DHX40: variants seen among roughly 807,000 people sequenced by gnomAD.
DHX40 encodes DEAH-box helicase 40, also known as probable ATP-dependent RNA helicase DHX40.
Under a neutral mutation model 89.6 loss-of-function variants are expected in DHX40, and 28 were observed. That is an observed-to-expected ratio of 0.31 (90% CI 0.23 to 0.43). The LOEUF is 0.43. Among genes scored for constraint, DHX40 ranks in the 20% least tolerant of loss-of-function variants. The pLI, the probability that DHX40 is intolerant of heterozygous loss-of-function variation, is 1.00. For synonymous variants in DHX40, 226 were observed against 283.6 expected, an observed-to-expected ratio of 0.80 and a Z score of 2.04; for missense variants, 457 against 844.0, an observed-to-expected ratio of 0.54 and a Z score of 5.68.
chr17:59,570,838 A>T (rs1482265838), intron 3 of DHX40, among the ~76,000 whole-genome samples, 175 bp downstream of exon 3: 1 of 152,194 alleles, frequency 6.6e-6, no homozygotes, highest in Non-Finnish European at 1.5e-5. Context: ...GCATGCCACC[A>T]TGCCCAGCTA....
At chr17:59,576,143 A>G (rs1184466163) in intron 7 of DHX40, among the ~76,000 whole-genome samples, 1 of 143,630 alleles carries the variant, frequency 7.0e-6, no homozygotes, top group African/African-American at 2.7e-5. Flanking sequence ...ACCTCAGGTC[A>G]TCTGCCTGCC....
intron 11 of DHX40, 84 bp downstream of exon 11, chr17:59,586,317 A>G: frequency 9.0e-7 from 1 of 1,114,068 alleles, no homozygotes; most frequent in East Asian, 2.6e-5. Flanking sequence ...CTCTAACAGT[A>G]GAAAATAATT....
At position 59,567,401 on chromosome 17, in the gene DHX40, C is replaced by T. The variant is rs997277322; in HGVS notation, c.280+607C>T. ...GAAATCAGGAGAAAGAGATAATAGC[C>T]AAATCCCCAAACAGACCAGTTTTAG... On this transcript the variant is annotated intron_variant, in intron 2 of 17. Coordinates refer to ENST00000251241, the MANE Select transcript of DHX40 (RefSeq NM_024612.5). Among the ~76,000 whole-genome samples, 4 of 152,160 alleles carry T rather than the reference C, an allele frequency of 2.6e-5. No individual in the cohort carries two copies. In the East Asian group the frequency reaches 7.7e-4, roughly 29 times the overall value.
At chr17:59,574,323 T>C (rs1170705334) in intron 6 of DHX40, 69 bp downstream of exon 6, 2 of 305,452 alleles carry the variant, frequency 6.5e-6, no homozygotes, top group Non-Finnish European at 1.2e-5. Context: ...CCAGATAGAG[T>C]GCTACCTCTG....
chr17:59,587,083 G>T lies in DHX40; in HGVS notation c.1425-813G>T, dbSNP rs756660627. On this transcript the variant is annotated intron_variant, in intron 11 of 17. Transcript: ENST00000251241. Reference sequence around the variant, plus strand: ...TGGGAGGATCGTCTGAGCTTCGGAGGTGAGGGGTGCAGTGAGCTGAGGAGA... The same window carrying T: ...TGGGAGGATCGTCTGAGCTTCGGAGTTGAGGGGTGCAGTGAGCTGAGGAGA... Among the ~76,000 whole-genome samples, 85 of 151,638 alleles carry T rather than the reference G, an allele frequency of 5.6e-4. 1 individual carries two copies. Among genetic ancestry groups the T allele is most frequent in the Non-Finnish European group, 9.6e-4 (65 of 67,928 alleles).
chr17:59,570,640 C>A lies in DHX40; in HGVS notation c.403C>A (p.Arg135Ser). The A allele has an allele frequency of 1.9e-6, 3 of 1,607,478 alleles. No homozygotes were observed. The highest frequency in any genetic ancestry group is 2.2e-5 in the South Asian group (2 of 90,232). Residue 135 changes from arginine (R) to serine (S), a missense_variant, in exon 3 of 18, where the codon CGT (arginine) becomes AGT (serine). Physicochemically the swap from Arg to Ser is moderately radical, Grantham distance 110. Around this residue, in one of 9 missense-constraint regions of DHX40, gnomAD observed 61 missense variants for 100.4 expected, o/e 0.61. Coordinates refer to ENST00000251241, the MANE Select transcript of DHX40 (RefSeq NM_024612.5). ...GGGATCCAAAGTAGGATACCAAGTTCGTTTTGATGATTGCAGTTCTAAGGT... is the reference window on the plus strand; with the variant it reads ...GGGATCCAAAGTAGGATACCAAGTTAGTTTTGATGATTGCAGTTCTAAGGT... ...TLGSKVGYQV[R>S]FDDCSSKETA...
chr17:59,571,050 T>C (rs2048800223), intron 3 of DHX40, among the ~76,000 whole-genome samples: 1 of 152,242 alleles, frequency 6.6e-6, no homozygotes, highest in African/African-American at 2.4e-5. Context: ...TTATGTTTTT[T>C]AACTGTAAGG....
rs765826060 is a variant in DHX40 at position 59,575,457 on chromosome 17, G to A, written c.959G>A (p.Gly320Glu). Residue 320 changes from glycine to glutamate, a missense_variant, in exon 7 of 18, where the codon GGA becomes GAA. Physicochemically the swap from Gly to Glu is moderately conservative, Grantham distance 98. Transcript: ENST00000251241. ...GGCTTGTTAATATTGCCGTGTTATG[G>A]ATCAATGACAACAGGTAATTTCTCA... ...LDGLLILPCY[G>E]SMTTDQQRRI... 1 of 1,612,288 alleles carries A rather than the reference G, an allele frequency of 6.2e-7. No individual in the cohort carries two copies. The highest frequency in any genetic ancestry group is 8.5e-7 in the Non-Finnish European group (1 of 1,179,404).
At chr17:59,576,943 C>T (rs1160429138) in intron 7 of DHX40, 5 of 309,110 alleles carry the variant, frequency 1.6e-5, no homozygotes, top group South Asian at 1.4e-4. Flanking sequence ...GATCTTGGCT[C>T]ACTGCAACCT....
chr17:59,568,208 A>G (rs1358649137), intron 2 of DHX40, among the ~76,000 whole-genome samples: 1 of 152,232 alleles, frequency 6.6e-6, no homozygotes, highest in Admixed American at 6.5e-5. Context: ...AGTCTGGGCA[A>G]CAGAGTGAGA....
At chr17:59,589,215 ATTTT>A (rs1209554990) in intron 12 of DHX40, among the ~76,000 whole-genome samples, 2 of 89,368 alleles carry the variant, frequency 2.2e-5, no homozygotes, top group Non-Finnish European at 4.2e-5. Context: ...ACTTGCTGGG[ATTTT>A]TTTTTTTTTT....
chr17:59,602,644 T>A, intron 15 of DHX40, 28 bp downstream of exon 15: 1 of 1,560,148 alleles, frequency 6.4e-7, no homozygotes, highest in Non-Finnish European at 8.8e-7. Flanking sequence ...GAGAGATGGA[T>A]CAAGATATAA....
chr17:59,570,633 C>T lies in DHX40; in HGVS notation c.396C>T (p.Tyr132=). 6.2e-7 allele frequency: 1 copy of T among 1,607,782 alleles called. No homozygotes were observed. Among genetic ancestry groups the T allele is most frequent in the South Asian group, 1.1e-5 (1 of 90,278 alleles). ...GCACTTTGGGATCCAAAGTAGGATA[C>T]CAAGTTCGTTTTGATGATTGCAGTT... ...MKCTLGSKVG[Y]QVRFDDCSSK... Residue 132 remains tyrosine, a synonymous_variant, in exon 3 of 18, where the codon TAC becomes TAT. Coordinates refer to ENST00000251241, the MANE Select transcript of DHX40 (RefSeq NM_024612.5).
chr17:59,569,719 A>ATATC (rs981242102), intron 2 of DHX40, among the ~76,000 whole-genome samples: 10 of 145,286 alleles, frequency 6.9e-5, no homozygotes, highest in African/African-American at 2.3e-4. Flanking sequence ...ATCTATATAT[A>ATATC]TATATAGATA....
intron 2 of DHX40, among the ~76,000 whole-genome samples, chr17:59,569,905 A>G (rs2048768366): frequency 7.0e-6 from 1 of 142,752 alleles, no homozygotes; most frequent in Non-Finnish European, 1.5e-5. Context: ...TTAGCCCGGC[A>G]TGGTGGCACA....
intron 3 of DHX40, among the ~76,000 whole-genome samples, chr17:59,571,106 T>C (rs1268014663): frequency 6.6e-6 from 1 of 152,138 alleles, no homozygotes; most frequent in East Asian, 1.9e-4. Flanking sequence ...TAGTAAAATA[T>C]ATATAACTTA....
intron 12 of DHX40, among the ~76,000 whole-genome samples, chr17:59,590,390 A>G (rs1159719490): frequency 6.7e-6 from 1 of 149,916 alleles, no homozygotes; most frequent in Non-Finnish European, 1.5e-5. Flanking sequence ...ATTATAATGG[A>G]GGATACATTT....
rs1598128155 is a variant in DHX40 at position 59,566,700 on chromosome 17, T to C, written c.186T>C (p.Ile62=). The part of the protein sequence containing the change: ...TFPIQKQRKK[I]IQAVRDNSFL... Reference sequence around the variant, plus strand: ...CTATTCAGAAACAAAGAAAAAAGATTATTCAAGCTGTGAGGGACAATTCAT... The same window carrying C: ...CTATTCAGAAACAAAGAAAAAAGATCATTCAAGCTGTGAGGGACAATTCAT... Residue 62 remains isoleucine, a synonymous_variant, in exon 2 of 18, where the codon ATT becomes ATC. Coordinates refer to ENST00000251241, the MANE Select transcript of DHX40 (RefSeq NM_024612.5). 5 of 1,606,948 alleles carry C rather than the reference T, an allele frequency of 3.1e-6. No homozygotes were observed. The highest frequency in any genetic ancestry group is 4.2e-6 in the Non-Finnish European group (5 of 1,178,144).
In DHX40 at chr17:59,586,148, C is replaced by T. The variant is rs1448171413; in HGVS notation, c.1344-5C>T. ...TCTCACTTCATATCTCATTTAAACA[C>T]ACAGGTTTCCCTATTTGGATCCACC... On this transcript the variant is annotated splice_region_variant and splice_polypyrimidine_tract_variant and intron_variant, in intron 10 of 17. Coordinates refer to ENST00000251241, the MANE Select transcript of DHX40 (RefSeq NM_024612.5). 1.3e-6 allele frequency: 2 copies of T among 1,580,348 alleles called. No individual in the cohort carries two copies. Among genetic ancestry groups the T allele is most frequent in the Non-Finnish European group, 1.7e-6 (2 of 1,160,628 alleles).
Sources: allele counts gnomAD v4.1 joint callset (sites outside exome capture counted in the v4.1 genomes callset), GRCh38; gene constraint gnomAD v4.1.1; regional missense constraint gnomAD v4.1.1; transcripts MANE v1.5; gene names NCBI Gene and HGNC (gene_info 2026-07-23, HGNC 2026-07-21).